The following IREB2 variants were observed in gnomAD, a reference collection of about 807,000 sequenced individuals.
IREB2 encodes iron-responsive element-binding protein 2.
IREB2 carries 39 observed loss-of-function variants against 118.8 expected under a neutral mutation model. That is an observed-to-expected ratio of 0.33 (90% confidence interval 0.25 to 0.43). The LOEUF (loss-of-function observed/expected upper bound fraction) is 0.43. Among genes scored for constraint, IREB2 ranks in the 20% least tolerant of loss-of-function variants. IREB2 has a pLI of 1.00. For missense variants in IREB2, 900 were observed against 1,147.3 expected (o/e 0.78, Z 3.11); for synonymous variants, 372 against 392.2 (o/e 0.95, Z 0.61).
chr15:78,460,507 C>T (rs1014747324), intron 2 of IREB2, among the ~76,000 whole-genome samples: 3 of 152,114 alleles, frequency 2.0e-5, no homozygotes, highest in Non-Finnish European at 2.9e-5. Flanking sequence ...CAGATTGACC[C>T]GTTAGTGTCC....
At chr15:78,466,848 T>TA (rs1253266325) in intron 5 of IREB2, among the ~76,000 whole-genome samples, 1 of 152,218 alleles carries the variant, frequency 6.6e-6, no homozygotes, top group Non-Finnish European at 1.5e-5. Flanking sequence ...TCATATTTCT[T>TA]ATGTTAATTC....
chr15:78,490,925 G>C (rs2051740849), intron 18 of IREB2, among the ~76,000 whole-genome samples, 164 bp downstream of exon 18: 1 of 151,916 alleles, frequency 6.6e-6, no homozygotes, highest in Non-Finnish European at 1.5e-5. Flanking sequence ...GCGGGGTGGG[G>C]AGGCGGGGGG....
chr15:78,459,946 A>C (rs1479675452), intron 2 of IREB2, among the ~76,000 whole-genome samples: 3 of 152,196 alleles, frequency 2.0e-5, no homozygotes, highest in Admixed American at 1.3e-4. Flanking sequence ...GTTTTCAGTT[A>C]ACTGGAAGTT....
intron 10 of IREB2, 47 bp from the exon 11 acceptor site, chr15:78,483,271 A>G (rs753392898): frequency 1.2e-5 from 11 of 890,678 alleles, no homozygotes; most frequent in South Asian, 1.1e-4. Flanking sequence ...AATCTGTCGT[A>G]AGGAATTAAT....
chr15:78,490,598 C>T (rs1264420701), intron 17 of IREB2, 21 bp from the exon 18 acceptor site: 1 of 1,613,016 alleles, frequency 6.2e-7, no homozygotes, highest in East Asian at 2.2e-5. Context: ...GAGTTAAATG[C>T]CTTGAACTTT....
chr15:78,454,614 G>A (rs1004904165), intron 2 of IREB2, among the ~76,000 whole-genome samples: 2 of 152,138 alleles, frequency 1.3e-5, no homozygotes, highest in African/African-American at 4.8e-5. Context: ...GTAAACTTAC[G>A]TTACAAAAAT....
intron 2 of IREB2, among the ~76,000 whole-genome samples, chr15:78,441,960 G>A (rs2141442893): frequency 6.6e-6 from 1 of 152,168 alleles, no homozygotes; most frequent in African/African-American, 2.4e-5. Flanking sequence ...AGGCTGGAGT[G>A]CAATGGTGTG....
At chr15:78,487,339 G>A (rs956292604) in intron 13 of IREB2, among the ~76,000 whole-genome samples, 1 of 152,170 alleles carries the variant, frequency 6.6e-6, no homozygotes, top group Non-Finnish European at 1.5e-5. Context: ...GAATTCTCTT[G>A]TACAGTGATA....
chr15:78,490,884 A>T (rs2051739799), intron 18 of IREB2, 123 bp downstream of exon 18: 326 of 706,078 alleles, frequency 4.6e-4, no homozygotes, highest in Middle Eastern at 1.3e-3. Flanking sequence ...CTGACTGCCA[A>T]TGTGTTTGTC....
intron 10 of IREB2, among the ~76,000 whole-genome samples, chr15:78,482,038 A>G (rs1317779593): frequency 6.6e-6 from 1 of 152,040 alleles, no homozygotes; most frequent in African/African-American, 2.4e-5. Context: ...GCTCAGGACC[A>G]GCCTGGGCAA....
chr15:78,469,023 T>A (rs954413565), intron 5 of IREB2, among the ~76,000 whole-genome samples: 5 of 152,250 alleles, frequency 3.3e-5, no homozygotes, highest in Non-Finnish European at 7.3e-5. Context: ...GCTATATTTT[T>A]ATTTCTAAAA....
At chr15:78,471,600 G>A in intron 6 of IREB2, 141 bp from the exon 7 acceptor site, 1 of 470,316 alleles carries the variant, frequency 2.1e-6, no homozygotes, top group Non-Finnish European at 3.7e-6. Context: ...CTGTATATTT[G>A]TTTTTAACTA....
At chr15:78,477,873 A>T (rs768083103) in intron 9 of IREB2, among the ~76,000 whole-genome samples, 4 of 152,098 alleles carry the variant, frequency 2.6e-5, no homozygotes, top group Non-Finnish European at 5.9e-5. Context: ...GTGGGCTATG[A>T]TGGCACCACT....
At chr15:78,465,435 T>G (rs377005450) in intron 4 of IREB2, 47 bp downstream of exon 4, 2 of 1,525,922 alleles carry the variant, frequency 1.3e-6, no homozygotes, top group Non-Finnish European at 1.8e-6. Flanking sequence ...GTTAATTGGC[T>G]GGAAATGTGT....
intron 4 of IREB2, 142 bp downstream of exon 4, chr15:78,465,530 C>T (rs144613688): frequency 1.6e-5 from 12 of 736,248 alleles, no homozygotes; most frequent in Admixed American, 1.1e-4. Flanking sequence ...AAAGCTAAAA[C>T]TGGTGAAAAG....
At chr15:78,451,039 A>G (rs942491637) in intron 2 of IREB2, among the ~76,000 whole-genome samples, 4 of 152,090 alleles carry the variant, frequency 2.6e-5, no homozygotes, top group Admixed American at 1.3e-4. Context: ...ATCTCGGCTC[A>G]CTGCAACCTC....
intron 2 of IREB2, among the ~76,000 whole-genome samples, chr15:78,440,944 A>G (rs1304909375): frequency 6.6e-6 from 1 of 152,216 alleles, no homozygotes; most frequent in Non-Finnish European, 1.5e-5. Flanking sequence ...AATTGGGCCA[A>G]TAGAGAGACC....
intron 8 of IREB2, chr15:78,475,965 C>G (rs1213099703): frequency 1.1e-5 from 4 of 352,860 alleles, no homozygotes; most frequent in Non-Finnish European, 2.0e-5. Flanking sequence ...CTTTCAGGCC[C>G]CTTTCTACCC....
At chr15:78,488,919 T>A in intron 16 of IREB2, 148 bp downstream of exon 16, 1 of 535,026 alleles carries the variant, frequency 1.9e-6, no homozygotes, top group Non-Finnish European at 3.1e-6. Context: ...CTGGAATCTG[T>A]AGTTAAAAAG....
Sources: gnomAD v4.1 joint callset for allele counts (sites outside exome capture counted in the v4.1 genomes callset) on GRCh38, gnomAD v4.1.1 for gene constraint, MANE v1.5 for transcripts, NCBI Gene and HGNC (gene_info 2026-07-23, HGNC 2026-07-21) for gene names.